TXLNB: variants seen among roughly 807,000 people sequenced by gnomAD.
TXLNB encodes beta-taxilin.
In TXLNB, 37 loss-of-function variants were observed where a neutral mutation model predicts 57.4. The ratio of observed to expected loss-of-function variants is 0.64; its 90% CI spans 0.50 to 0.85. The LOEUF is 0.85. Ranked by LOEUF, TXLNB falls within the 40% of genes least tolerant of loss-of-function variation. TXLNB has a pLI of 0.00. For missense variants in TXLNB, 848 were observed against 825.6 expected, an observed-to-expected ratio of 1.03 and a Z score of -0.33; for synonymous variants, 302 against 309.6, an observed-to-expected ratio of 0.98 and a Z score of 0.26.
At chr6:139,174,521 T>C in the TXLNB span, 88 of 1,614,060 alleles carry the variant, frequency 5.5e-5, no homozygotes, top group African/African-American at 1.1e-3. Context: ...ACATCCTGGC[T>C]GCCTCTCCAT....
the TXLNB span, among the ~76,000 whole-genome samples, chr6:139,160,227 C>T: frequency 2.6e-5 from 4 of 152,158 alleles, no homozygotes; most frequent in African/African-American, 9.7e-5. Flanking sequence ...ACCTAAAATA[C>T]AGGCCTTGGA....
chr6:139,230,635 C>A, the TXLNB span, among the ~76,000 whole-genome samples: 1 of 152,184 alleles, frequency 6.6e-6, no homozygotes, highest in Non-Finnish European at 1.5e-5. Context: ...TCAAGACATA[C>A]TCCTTTTCTT....
intron 4 of TXLNB, among the ~76,000 whole-genome samples, chr6:139,268,373 A>T (rs910885918): frequency 6.6e-5 from 10 of 152,178 alleles, no homozygotes; most frequent in African/African-American, 2.2e-4. Flanking sequence ...AAAAATTCAA[A>T]AAAGGCATAA....
downstream of TXLNB, chr6:139,237,429 T>C (rs56138346): frequency 0.11 from 15,717 of 148,792 alleles, 2,172 homozygotes; most frequent in African/African-American, 0.33. Context: ...CGCTTGAACC[T>C]GGGAGGCAGA....
chr6:139,217,568 T>A, the TXLNB span, among the ~76,000 whole-genome samples: 7 of 152,072 alleles, frequency 4.6e-5, no homozygotes, highest in Non-Finnish European at 1.0e-4. Flanking sequence ...ACAGTAGTAG[T>A]TTAAGAAATT....
At chr6:139,214,270 C>T in the TXLNB span, among the ~76,000 whole-genome samples, 1 of 152,156 alleles carries the variant, frequency 6.6e-6, no homozygotes, top group Admixed American at 6.5e-5. Flanking sequence ...CATCAAAAAG[C>T]TTATCCACCA....
chr6:139,287,713 T>C (rs368930457), intron 2 of TXLNB, among the ~76,000 whole-genome samples: 1 of 152,218 alleles, frequency 6.6e-6, no homozygotes, highest in East Asian at 1.9e-4. Context: ...CAGAGGGACT[T>C]TCCTATGTAC....
At chr6:139,289,964 C>T (rs568707311) in intron 1 of TXLNB, among the ~76,000 whole-genome samples, 1 of 152,282 alleles carries the variant, frequency 6.6e-6, no homozygotes, top group South Asian at 2.1e-4. Flanking sequence ...ATAGAGGAGA[C>T]ATTTCTCACT....
At chr6:139,215,681 G>A in the TXLNB span, among the ~76,000 whole-genome samples, 1 of 152,186 alleles carries the variant, frequency 6.6e-6, no homozygotes, top group Non-Finnish European at 1.5e-5. Context: ...CCATCAGAGT[G>A]AACAGGCAAC....
chr6:139,203,392 G>A, the TXLNB span, among the ~76,000 whole-genome samples: 3 of 151,974 alleles, frequency 2.0e-5, no homozygotes, highest in Non-Finnish European at 4.4e-5. Context: ...CTTACCACTC[G>A]GGGGAAAATT....
At chr6:139,307,506 A>T in the TXLNB span, among the ~76,000 whole-genome samples, 1 of 152,208 alleles carries the variant, frequency 6.6e-6, no homozygotes, top group Non-Finnish European at 1.5e-5. Flanking sequence ...ATATCTATGA[A>T]TTAAATCATA....
chr6:139,279,705 A>G (rs1776994408), intron 2 of TXLNB, among the ~76,000 whole-genome samples: 1 of 152,004 alleles, frequency 6.6e-6, no homozygotes, highest in Non-Finnish European at 1.5e-5. Context: ...AGTGTCAAAC[A>G]AAAGAGGAAA....
intron 7 of TXLNB, among the ~76,000 whole-genome samples, chr6:139,249,126 C>T (rs1248799231): frequency 1.3e-5 from 2 of 152,316 alleles, no homozygotes; most frequent in Admixed American, 6.5e-5. Flanking sequence ...GGAGATATAG[C>T]GAGGAGCATT....
the TXLNB span, among the ~76,000 whole-genome samples, chr6:139,210,456 A>C: frequency 6.6e-6 from 1 of 152,244 alleles, no homozygotes; most frequent in African/African-American, 2.4e-5. Flanking sequence ...ATATGGAACC[A>C]ACCTAAATGC....
the TXLNB span, among the ~76,000 whole-genome samples, chr6:139,169,305 C>T: frequency 6.6e-6 from 1 of 151,700 alleles, no homozygotes; most frequent in East Asian, 1.9e-4. Flanking sequence ...ATACATGGCC[C>T]TATTCATCTC....
At chr6:139,305,125 C>T in the TXLNB span, among the ~76,000 whole-genome samples, 1 of 152,156 alleles carries the variant, frequency 6.6e-6, no homozygotes, top group Non-Finnish European at 1.5e-5. Flanking sequence ...CTTTTCCACT[C>T]ACTTTTAAGT....
chr6:139,159,331 A>T, the TXLNB span: 1 of 152,232 alleles, frequency 6.6e-6, no homozygotes, highest in Admixed American at 6.5e-5. Flanking sequence ...ATTTGTTCCC[A>T]CATAAGAGGA....
At chr6:139,203,334 T>C in the TXLNB span, among the ~76,000 whole-genome samples, 1 of 152,226 alleles carries the variant, frequency 6.6e-6, no homozygotes, top group Non-Finnish European at 1.5e-5. Flanking sequence ...AAGAATTGTC[T>C]GGATTTTCTC....
the TXLNB span, among the ~76,000 whole-genome samples, chr6:139,203,928 T>TA: frequency 1.4e-4 from 22 of 152,178 alleles, no homozygotes; most frequent in African/African-American, 5.3e-4. Context: ...ATGAATTTTT[T>TA]AAAAAAACAT....
Sources: allele counts gnomAD v4.1 joint callset (sites outside exome capture counted in the v4.1 genomes callset), GRCh38; gene constraint gnomAD v4.1.1; transcripts MANE v1.5; gene names NCBI Gene and HGNC (gene_info 2026-07-23, HGNC 2026-07-21).